The following CCBE1 variants were observed in gnomAD, a reference collection of about 807,000 sequenced individuals.
CCBE1 encodes collagen and calcium-binding EGF domain-containing protein 1.
A neutral mutation model predicts 50.0 loss-of-function variants in CCBE1; 37 were observed. The ratio of observed to expected loss-of-function variants is 0.74; its 90% CI spans 0.57 to 0.97. The LOEUF (loss-of-function observed/expected upper bound fraction) is 0.97. Ranked by LOEUF, CCBE1 falls within the 50% of genes least tolerant of loss-of-function variation. CCBE1 has a pLI of 0.00. For synonymous variants in CCBE1, 234 were observed against 203.7 expected, an observed-to-expected ratio of 1.15 and a Z score of -1.27; for missense variants, 538 against 523.8, an observed-to-expected ratio of 1.03 and a Z score of -0.26.
upstream of CCBE1, chr18:59,697,652 T>G (rs2054831857): frequency 2.8e-6 from 1 of 351,584 alleles, no homozygotes. Context: ...ATTGACAGAC[T>G]TGCTGGACTC....
intron 2 of CCBE1, among the ~76,000 whole-genome samples, chr18:59,631,263 T>G (rs533321756): frequency 6.6e-6 from 1 of 151,836 alleles, no homozygotes; most frequent in African/African-American, 2.4e-5. Context: ...CAGAAAGTAA[T>G]TTCATAAGCA....
chr18:59,554,561 G>A (rs979750325), intron 2 of CCBE1, among the ~76,000 whole-genome samples: 3 of 152,120 alleles, frequency 2.0e-5, no homozygotes, highest in African/African-American at 7.2e-5. Flanking sequence ...GTCCCCATTC[G>A]CCTTTGAGTC....
chr18:59,691,315 T>TTCTCCTCTCCTGTGTTAG (rs2054728787), intron 2 of CCBE1, among the ~76,000 whole-genome samples: 1 of 152,224 alleles, frequency 6.6e-6, no homozygotes, highest in Non-Finnish European at 1.5e-5. Context: ...GAGGAGAAGC[T>TTCTCCTCTCCTGTGTTAG]GCCTTCAGCA....
At chr18:59,656,251 G>A (rs897427675) in intron 2 of CCBE1, among the ~76,000 whole-genome samples, 1 of 152,178 alleles carries the variant, frequency 6.6e-6, no homozygotes, top group African/African-American at 2.4e-5. Context: ...ATTTCTGAGG[G>A]CACTAGAGTT....
chr18:59,601,373 C>T (rs1275176165), intron 2 of CCBE1, among the ~76,000 whole-genome samples: 3 of 151,956 alleles, frequency 2.0e-5, no homozygotes, highest in Non-Finnish European at 2.9e-5. Flanking sequence ...GTAAGTCTCA[C>T]GAGATCTGAT....
chr18:59,594,235 C>G (rs989600491), intron 2 of CCBE1, among the ~76,000 whole-genome samples: 3 of 152,230 alleles, frequency 2.0e-5, no homozygotes, highest in African/African-American at 7.2e-5. Context: ...CCTCCTTCTA[C>G]AAATGAATCC....
intron 2 of CCBE1, among the ~76,000 whole-genome samples, chr18:59,657,640 C>G (rs986062549): frequency 6.6e-6 from 1 of 152,324 alleles, no homozygotes; most frequent in Non-Finnish European, 1.5e-5. Context: ...GCCTATAATC[C>G]CAGCACTTTG....
chr18:59,448,842 A>G (rs1910801340), intron 6 of CCBE1, among the ~76,000 whole-genome samples: 1 of 152,204 alleles, frequency 6.6e-6, no homozygotes, highest in African/African-American at 2.4e-5. Context: ...TACAACTTCA[A>G]GTCAGGGCTC....
At chr18:59,510,975 G>A (rs1914107876) in intron 2 of CCBE1, among the ~76,000 whole-genome samples, 1 of 152,122 alleles carries the variant, frequency 6.6e-6, no homozygotes, top group Non-Finnish European at 1.5e-5. Context: ...AGAGCTACCA[G>A]TCATTAGTAC....
At chr18:59,630,498 G>A (rs1171028766) in intron 2 of CCBE1, among the ~76,000 whole-genome samples, 3 of 152,176 alleles carry the variant, frequency 2.0e-5, no homozygotes, top group Admixed American at 6.5e-5. Flanking sequence ...GCTCAGCTGG[G>A]AGGATCTTCT....
chr18:59,486,548 A>G (rs148799072), intron 2 of CCBE1, among the ~76,000 whole-genome samples: 64 of 152,366 alleles, frequency 4.2e-4, no homozygotes, highest in African/African-American at 1.5e-3. Flanking sequence ...CTAACCCTGA[A>G]ACACAATGTA....
intron 2 of CCBE1, among the ~76,000 whole-genome samples, chr18:59,650,184 AATC>A (rs899707686): frequency 1.3e-5 from 2 of 152,006 alleles, no homozygotes; most frequent in Non-Finnish European, 2.9e-5. Flanking sequence ...TTATTCTCAG[AATC>A]ATAAGAGGGA....
At chr18:59,548,013 A>G (rs765665785) in intron 2 of CCBE1, among the ~76,000 whole-genome samples, 2 of 152,244 alleles carry the variant, frequency 1.3e-5, no homozygotes, top group Non-Finnish European at 2.9e-5. Flanking sequence ...ATAGACACTC[A>G]GTGAATTGAA....
intron 2 of CCBE1, among the ~76,000 whole-genome samples, chr18:59,658,337 A>T (rs1369252784): frequency 1.5e-4 from 5 of 33,598 alleles, no homozygotes; most frequent in Non-Finnish European, 2.6e-4. Context: ...AAAAAAAAAA[A>T]AAAAAAAAAA....
intron 4 of CCBE1, 107 bp downstream of exon 4, chr18:59,469,364 AAC>A: frequency 6.9e-7 from 1 of 1,452,840 alleles, no homozygotes; most frequent in South Asian, 1.1e-5. Flanking sequence ...GATAATATCA[AAC>A]ACAACTCCAT....
At chr18:59,625,615 C>T (rs551775944) in intron 2 of CCBE1, among the ~76,000 whole-genome samples, 43 of 152,180 alleles carry the variant, frequency 2.8e-4, no homozygotes, top group African/African-American at 1.0e-3. Context: ...CCACCTTCTC[C>T]CTGTCTGAAT....
At chr18:59,683,272 C>G (rs2054616396) in intron 2 of CCBE1, among the ~76,000 whole-genome samples, 1 of 152,220 alleles carries the variant, frequency 6.6e-6, no homozygotes, top group African/African-American at 2.4e-5. Context: ...ATGACACACA[C>G]AGGAGCATGT....
chr18:59,623,958 CG>C (rs1290680191), intron 2 of CCBE1, among the ~76,000 whole-genome samples: 1 of 152,184 alleles, frequency 6.6e-6, no homozygotes, highest in Non-Finnish European at 1.5e-5. Flanking sequence ...TCATGTTCCC[CG>C]GTGCAAACAC....
intron 3 of CCBE1, among the ~76,000 whole-genome samples, chr18:59,477,731 C>T (rs1272414430): frequency 1.3e-5 from 2 of 152,186 alleles, no homozygotes; most frequent in Non-Finnish European, 2.9e-5. Flanking sequence ...TGCCCCAGGA[C>T]TTCATACCCT....
Sources: allele counts gnomAD v4.1 joint callset (sites outside exome capture counted in the v4.1 genomes callset), GRCh38; gene constraint gnomAD v4.1.1; transcripts MANE v1.5; gene names NCBI Gene and HGNC (gene_info 2026-07-23, HGNC 2026-07-21).